The following RNF38 variants were observed in gnomAD, a reference collection of about 807,000 sequenced individuals.
The protein encoded by RNF38 is E3 ubiquitin-protein ligase RNF38.
Under a neutral mutation model 67.2 loss-of-function variants are expected in RNF38, and 15 were observed. The ratio of observed to expected loss-of-function variants is 0.22; its 90% CI spans 0.15 to 0.34. The LOEUF (loss-of-function observed/expected upper bound fraction) is 0.34. Ranked by LOEUF, RNF38 falls within the 10% of genes least tolerant of loss-of-function variation. RNF38 has a pLI of 1.00. For missense variants in RNF38, 524 were observed against 639.9 expected, an observed-to-expected ratio of 0.82 and a Z score of 1.95; for synonymous variants, 220 against 218.8, an observed-to-expected ratio of 1.01 and a Z score of -0.05.
intron 8 of RNF38, among the ~76,000 whole-genome samples, chr9:36,351,429 A>G (rs760481896): frequency 2.8e-4 from 43 of 152,374 alleles, no homozygotes; most frequent in African/African-American, 8.2e-4. Flanking sequence ...AGAAGACTCA[A>G]TATCATTCAG....
At chr9:36,408,359 G>A (rs1168046750) in intron 2 of RNF38, among the ~76,000 whole-genome samples, 1 of 151,542 alleles carries the variant, frequency 6.6e-6, no homozygotes, top group Non-Finnish European at 1.5e-5. Flanking sequence ...TCACAGTTTG[G>A]AGTTGACCCT....
At chr9:36,349,389 C>T (rs1432704868) in intron 9 of RNF38, among the ~76,000 whole-genome samples, 2 of 152,118 alleles carry the variant, frequency 1.3e-5, no homozygotes, top group Non-Finnish European at 2.9e-5. Context: ...ATGTTGAGCA[C>T]CTTTTCATAT....
At chr9:36,464,410 T>A (rs1839812433) in intron 1 of RNF38, among the ~76,000 whole-genome samples, 1 of 151,036 alleles carries the variant, frequency 6.6e-6, no homozygotes, top group Non-Finnish European at 1.5e-5. Flanking sequence ...CTACTAAAAA[T>A]ACAAAAAAAA....
At chr9:36,370,516 T>G (rs1835295955) in intron 3 of RNF38, among the ~76,000 whole-genome samples, 1 of 152,130 alleles carries the variant, frequency 6.6e-6, no homozygotes, top group African/African-American at 2.4e-5. Context: ...TATGATAGTA[T>G]CAACATAAAT....
intron 1 of RNF38, among the ~76,000 whole-genome samples, chr9:36,446,813 A>AAG (rs1172216286): frequency 2.5e-4 from 34 of 137,494 alleles, no homozygotes; most frequent in Non-Finnish European, 9.3e-5. Context: ...GCCTCAAGAA[A>AAG]AAAAAAAAAA....
intron 1 of RNF38, among the ~76,000 whole-genome samples, chr9:36,480,884 C>T (rs1587220410): frequency 6.6e-6 from 1 of 152,086 alleles, no homozygotes; most frequent in African/African-American, 2.4e-5. Context: ...CTTACTACTA[C>T]TTCCCTACAT....
intron 9 of RNF38, 127 bp from the exon 10 acceptor site, chr9:36,345,080 G>A (rs1587462077): frequency 3.1e-6 from 3 of 963,422 alleles, no homozygotes; most frequent in East Asian, 5.4e-5. Context: ...TCACAGGCAT[G>A]ATCATTGTGC....
chr9:36,444,974 TC>T (rs1764317855), intron 1 of RNF38, among the ~76,000 whole-genome samples: 1 of 143,162 alleles, frequency 7.0e-6, no homozygotes, highest in South Asian at 2.2e-4. Flanking sequence ...TTCTGGTTAA[TC>T]CACTATCCCT....
intron 4 of RNF38, among the ~76,000 whole-genome samples, chr9:36,365,383 A>G (rs1372949904): frequency 6.6e-6 from 1 of 151,910 alleles, no homozygotes; most frequent in African/African-American, 2.4e-5. Flanking sequence ...CCTGGCCAAC[A>G]TGGTGAAACC....
intron 2 of RNF38, among the ~76,000 whole-genome samples, chr9:36,408,305 T>A (rs1294217477): frequency 2.0e-5 from 3 of 147,132 alleles, no homozygotes; most frequent in Non-Finnish European, 4.5e-5. Context: ...GGTTTCACCA[T>A]GTTGCCAAGG....
chr9:36,463,452 G>T (rs542636696), intron 1 of RNF38, among the ~76,000 whole-genome samples: 1 of 152,130 alleles, frequency 6.6e-6, no homozygotes, highest in African/African-American at 2.4e-5. Context: ...GTTCTTCAAT[G>T]ATCTAAACGT....
rs1832667451 is a variant in RNF38 at position 36,339,218 on chromosome 9, A to C, written c.*534T>G. 1 of 155,396 alleles carries C rather than the reference A, an allele frequency of 6.4e-6. No individual in the cohort carries two copies. Among genetic ancestry groups the C allele is most frequent in the South Asian group, 2.0e-4 (1 of 5,010 alleles). The allele number at this position is 155,396 out of a possible 1,614,324, so 9.6% of individuals were successfully genotyped here. ...GATTATACATTGCAGCATAATTAAA[A>C]CTACACACACATTCTTGGTACATGC... On this transcript the variant is annotated 3_prime_UTR_variant, in exon 12 of 12. Transcript: ENST00000259605.
intron 2 of RNF38, among the ~76,000 whole-genome samples, chr9:36,378,336 C>T (rs1026629999): frequency 2.0e-5 from 3 of 151,982 alleles, no homozygotes; most frequent in African/African-American, 7.3e-5. Flanking sequence ...GCCACCATGC[C>T]CAGCTAATTT....
At chr9:36,429,527 T>C (rs925779573) in intron 1 of RNF38, among the ~76,000 whole-genome samples, 3 of 152,220 alleles carry the variant, frequency 2.0e-5, no homozygotes, top group African/African-American at 7.2e-5. Flanking sequence ...ACGCCTGTAA[T>C]CCCAGCACTT....
intron 11 of RNF38, among the ~76,000 whole-genome samples, chr9:36,340,559 G>A (rs888554784): frequency 6.6e-6 from 1 of 151,636 alleles, no homozygotes; most frequent in Non-Finnish European, 1.5e-5. Flanking sequence ...CAATTTAAAA[G>A]ACGGGTTTCA....
chr9:36,474,404 C>A lies in RNF38; in HGVS notation n.241+12904G>T, dbSNP rs148104798. Among the ~76,000 whole-genome samples, 7 of 149,010 alleles carry A rather than the reference C, an allele frequency of 4.7e-5. 1 individual carries two copies. The highest frequency in any genetic ancestry group is 8.9e-5 in the Non-Finnish European group (6 of 67,352). On this transcript the variant is annotated intron_variant and non_coding_transcript_variant, in intron 1 of 3. Coordinates refer to the RNF38 transcript ENST00000488058. Reference sequence around the variant, plus strand: ...AAGGCAAAACAAAAGACTGCAAATTCTCTTCATCAGCTAAAATAGTGATCA... The same window carrying A: ...AAGGCAAAACAAAAGACTGCAAATTATCTTCATCAGCTAAAATAGTGATCA...
At position 36,487,173 on chromosome 9, in the gene RNF38, G is replaced by T. The variant is rs554219283; in HGVS notation, n.241+135C>A. 78 of 556,758 alleles carry T rather than the reference G, an allele frequency of 1.4e-4. No individual in the cohort carries two copies. The African/African-American group carries it at 1.5e-3, about 11-fold the overall frequency. The allele number at this position is 556,758 out of a possible 1,614,324, so 34.5% of individuals were successfully genotyped here. On this transcript the variant is annotated intron_variant and non_coding_transcript_variant, in intron 1 of 3. Coordinates refer to the RNF38 transcript ENST00000488058. Reference sequence around the variant, plus strand: ...GAGGCGCAGGGCTCGCAGGGGCTCCGGGGCCGGACAAAGCTGACCCGGACA... The same window carrying T: ...GAGGCGCAGGGCTCGCAGGGGCTCCTGGGCCGGACAAAGCTGACCCGGACA...
Position 36,338,179 on chromosome 9 carries a change from G to A in RNF38, c.*1573C>T, listed in dbSNP as rs962222556. 7.2e-5 allele frequency: 11 copies of A among 152,132 alleles called. No homozygotes were observed. The highest frequency in any genetic ancestry group is 7.2e-4 in the Admixed American group (11 of 15,268). The allele number at this position is 152,132 out of a possible 1,614,324, so 9.4% of individuals were successfully genotyped here. A position where few individuals can be genotyped will look rare whatever the true frequency, so the allele number is the denominator to read the frequency against. On this transcript the variant is annotated 3_prime_UTR_variant, in exon 12 of 12. Coordinates refer to ENST00000259605, the MANE Select transcript of RNF38 (RefSeq NM_022781.5). ...ACAATGTTGAATACACTAAAAGAAT[G>A]AGAAAGTAATTTAAACATTGCTGGA... is the stretch of plus-strand genomic sequence containing the variant.
At chr9:36,390,274 G>C (rs914312078) in intron 2 of RNF38, among the ~76,000 whole-genome samples, 193 bp downstream of exon 2, 6 of 152,298 alleles carry the variant, frequency 3.9e-5, no homozygotes, top group African/African-American at 1.4e-4. Flanking sequence ...CAGTAGCTGA[G>C]TAGCTCAAGA....
Sources: gnomAD v4.1 joint callset for allele counts (sites outside exome capture counted in the v4.1 genomes callset) on GRCh38, gnomAD v4.1.1 for gene constraint, MANE v1.5 for transcripts, NCBI Gene and HGNC (gene_info 2026-07-23, HGNC 2026-07-21) for gene names.